The following NCAM1 variants were observed in gnomAD, a reference collection of about 807,000 sequenced individuals.
NCAM1 encodes the protein antigen recognized by monoclonal antibody 5.1H11.
In NCAM1, 14 loss-of-function variants were observed where a neutral mutation model predicts 109.8. The observed-to-expected ratio is 0.13, with a 90% confidence interval of 0.08 to 0.20. The LOEUF (loss-of-function observed/expected upper bound fraction) is 0.20, where lower values mean the gene tolerates loss of function less well. NCAM1 is among the 10% of genes least tolerant of loss of function. The probability of loss-of-function intolerance (pLI) is 1.00; values close to 1 mark genes in which losing one functional copy is unlikely to be tolerated. For synonymous variants in NCAM1, 418 were observed against 442.9 expected (o/e 0.94, Z 0.70); for missense variants, 774 against 1,109.9 (o/e 0.70, Z 4.30).
intron 14 of NCAM1, among the ~76,000 whole-genome samples, chr11:113,235,488 G>A (rs781834538): frequency 5.9e-5 from 9 of 152,208 alleles, no homozygotes; most frequent in Admixed American, 5.2e-4. Context: ...CAAAGGATCT[G>A]GGAAAGTTGC....
At chr11:113,232,482 A>G (rs962103204) in intron 11 of NCAM1, 128 bp downstream of exon 11, 5 of 1,036,820 alleles carry the variant, frequency 4.8e-6, no homozygotes, top group Non-Finnish European at 6.9e-6. Context: ...CATGGGCTAG[A>G]GAAGACACTG....
At position 112,962,761 on chromosome 11, in the gene NCAM1, TCC is replaced by T. The variant is rs1430479465; in HGVS notation, c.52+1102_52+1103del. 6.6e-6 allele frequency among the ~76,000 whole-genome samples: 1 copy of T among 151,060 alleles called. No homozygotes were observed. Among genetic ancestry groups the T allele is most frequent in the Non-Finnish European group, 1.5e-5 (1 of 67,792 alleles). The stretch of plus-strand genomic sequence containing the variant: ...TGCCCACCCTCCCCTCCAGCTGTCA[TCC>T]CCCCACCTCCACCCAAGGATTTGCG... On this transcript the variant is annotated intron_variant, in intron 1 of 19. Coordinates refer to ENST00000316851, the MANE Select transcript of NCAM1 (RefSeq NM_181351.5). This position sits in a 1 kb window ranked among gnomAD's most constrained non-coding sequence, Gnocchi z 5.6.
chr11:112,965,245 G>GA (rs142867225), intron 1 of NCAM1, among the ~76,000 whole-genome samples: 19,266 of 149,506 alleles, frequency 0.13, 1,617 homozygotes, highest in South Asian at 0.39. Context: ...TAATTGCAAA[G>GA]AAAAAAAAAT....
chr11:113,100,075 A>C (rs572319997), intron 1 of NCAM1, among the ~76,000 whole-genome samples: 6 of 152,124 alleles, frequency 3.9e-5, no homozygotes, highest in South Asian at 2.1e-4. Context: ...AGAGCCTAGC[A>C]CCCTAAATTT....
chr11:113,192,614 G>A (rs1943717839), intron 1 of NCAM1, among the ~76,000 whole-genome samples: 1 of 152,166 alleles, frequency 6.6e-6, no homozygotes, highest in South Asian at 2.1e-4. Context: ...CTATTGGGAT[G>A]CAGGTGAGAC....
chr11:112,984,696 T>C (rs1565364542), intron 1 of NCAM1, among the ~76,000 whole-genome samples: 1 of 151,988 alleles, frequency 6.6e-6, no homozygotes, highest in Non-Finnish European at 1.5e-5. Flanking sequence ...TATTTTTATG[T>C]GTTTTTAGGA....
intron 1 of NCAM1, among the ~76,000 whole-genome samples, chr11:113,049,421 T>G (rs1555081432): frequency 1.3e-5 from 2 of 152,208 alleles, no homozygotes; most frequent in African/African-American, 2.4e-5. Context: ...AATTAGCCTA[T>G]GTAATGTGTC....
In NCAM1 at chr11:113,104,310, C is replaced by T. The variant is rs149321543; in HGVS notation, c.53-98069C>T. ...GAAGAGTAACAGTGATTTATACTGC[C>T]CTACTACAAGGGTGAAGAGTTTAGA... On this transcript the variant is annotated intron_variant, in intron 1 of 19. Coordinates refer to ENST00000316851, the MANE Select transcript of NCAM1 (RefSeq NM_181351.5). Among the ~76,000 whole-genome samples, 1,445 of 151,230 alleles carry T rather than the reference C, an allele frequency of 9.6e-3. 29 individuals are homozygous for T. The highest frequency in any genetic ancestry group is 0.034 in the African/African-American group (1,387 of 41,172).
intron 17 of NCAM1, chr11:113,263,004 G>C (rs1459105243): frequency 6.4e-7 from 1 of 1,552,470 alleles, no homozygotes; most frequent in Non-Finnish European, 8.7e-7. Context: ...GGAAGAACCT[G>C]GCAGGACCAC....
intron 17 of NCAM1, among the ~76,000 whole-genome samples, chr11:113,267,718 T>C (rs1946164404): frequency 6.6e-6 from 1 of 152,146 alleles, no homozygotes; most frequent in African/African-American, 2.4e-5. Context: ...GCCCTACTTG[T>C]TTATGCCACA....
chr11:113,041,890 G>A (rs530499116), intron 1 of NCAM1, among the ~76,000 whole-genome samples: 63 of 152,136 alleles, frequency 4.1e-4, no homozygotes, highest in East Asian at 7.7e-4. Flanking sequence ...TACACATTAC[G>A]AGGAAGAAAC....
intron 8 of NCAM1, among the ~76,000 whole-genome samples, chr11:113,218,558 C>T (rs989392093): frequency 6.6e-6 from 1 of 152,098 alleles, no homozygotes; most frequent in Non-Finnish European, 1.5e-5. Flanking sequence ...TGTTCTTGTT[C>T]ATTATAAAAG....
At chr11:113,001,987 C>A (rs781908474) in intron 1 of NCAM1, among the ~76,000 whole-genome samples, 4 of 152,208 alleles carry the variant, frequency 2.6e-5, no homozygotes, top group Non-Finnish European at 4.4e-5. Context: ...TTCTAGACTA[C>A]TCAGCCCAGA....
At chr11:113,082,732 G>A (rs1565425580) in intron 1 of NCAM1, among the ~76,000 whole-genome samples, 1 of 152,168 alleles carries the variant, frequency 6.6e-6, no homozygotes, top group African/African-American at 2.4e-5. Context: ...GGATCATGTC[G>A]GTCCCTCAGA....
intron 1 of NCAM1, among the ~76,000 whole-genome samples, chr11:113,065,408 G>C (rs565821117): frequency 2.7e-4 from 41 of 152,258 alleles, no homozygotes; most frequent in African/African-American, 9.9e-4. Flanking sequence ...TTTCCTTCCT[G>C]CAGCATAGAA....
At chr11:113,114,209 C>T (rs1268049139) in intron 1 of NCAM1, among the ~76,000 whole-genome samples, 3 of 152,226 alleles carry the variant, frequency 2.0e-5, no homozygotes, top group African/African-American at 7.2e-5. Flanking sequence ...AGGCCCCAAA[C>T]AACCCATATA....
At chr11:113,167,348 A>G (rs1942838055) in intron 1 of NCAM1, among the ~76,000 whole-genome samples, 1 of 152,158 alleles carries the variant, frequency 6.6e-6, no homozygotes, top group South Asian at 2.1e-4. Context: ...AGAGCCTTCC[A>G]GTCTGGGGTG....
chr11:113,223,947 A>G (rs1944759173), intron 9 of NCAM1, among the ~76,000 whole-genome samples: 1 of 152,164 alleles, frequency 6.6e-6, no homozygotes, highest in Admixed American at 6.6e-5. Flanking sequence ...CCCTGGAGGT[A>G]GGGGCGGTTC....
At chr11:113,128,915 G>C (rs1259858543) in intron 1 of NCAM1, among the ~76,000 whole-genome samples, 1 of 120,768 alleles carries the variant, frequency 8.3e-6, no homozygotes, top group Non-Finnish European at 1.8e-5. Context: ...GGGTGTGTGT[G>C]TGTGTGTGTG....
Sources: gnomAD v4.1 joint callset for allele counts (sites outside exome capture counted in the v4.1 genomes callset) on GRCh38, gnomAD v4.1.1 for gene constraint, Gnocchi (gnomAD v3.1) non-coding constraint, MANE v1.5 for transcripts, NCBI Gene and HGNC (gene_info 2026-07-23, HGNC 2026-07-21) for gene names.